Variants in ZNF669 observed in about 807,000 individuals in gnomAD.
The protein encoded by ZNF669 is zinc finger protein 669.
In ZNF669, 7 loss-of-function variants were observed where a neutral mutation model predicts 11.4. The ratio of observed to expected loss-of-function variants is 0.62; its 90% CI spans 0.35 to 1.16. The LOEUF (loss-of-function observed/expected upper bound fraction) is 1.16, where lower values mean the gene tolerates loss of function less well. Ranked by LOEUF, ZNF669 falls within the 50% of genes most tolerant of loss-of-function variation. The probability of loss-of-function intolerance (pLI) is 0.02; values close to 1 mark genes in which losing one functional copy is unlikely to be tolerated. For missense variants in ZNF669, 492 were observed against 463.6 expected (o/e 1.06, Z -0.56); for synonymous variants, 153 against 155.8 (o/e 0.98, Z 0.13).
At position 247,100,184 on chromosome 1, in the gene ZNF669, C is replaced by T. The variant is rs910261694; in HGVS notation, c.*190G>A. 1.4e-5 allele frequency: 7 copies of T among 504,720 alleles called. No individual in the cohort carries two copies. Among genetic ancestry groups the T allele is most frequent in the African/African-American group, 9.6e-5 (5 of 51,884 alleles). The allele number at this position is 504,720 out of a possible 1,614,324, so 31.3% of individuals were successfully genotyped here. ...TATTTTTAGTAGAGACGGGGTTTCA[C>T]CGTGTTGGCCAGGATGGTCTCGATC... is the stretch of plus-strand genomic sequence containing the variant. On this transcript the variant is annotated 3_prime_UTR_variant, in exon 4 of 4. Transcript: ENST00000448299.
At chr1:247,103,995 C>G (rs757491952) in intron 1 of ZNF669, 1 of 1,602,828 alleles carries the variant, frequency 6.2e-7, no homozygotes, top group South Asian at 1.1e-5. Flanking sequence ...AAGTGGCGCC[C>G]GCAGGTACAG....
intron 1 of ZNF669, chr1:247,103,806 C>T (rs1168265485): frequency 1.6e-6 from 2 of 1,232,290 alleles, no homozygotes; most frequent in South Asian, 1.6e-5. Flanking sequence ...AACAAAGCCT[C>T]GGCTTAATTT....
chr1:247,102,199 G>T, intron 1 of ZNF669, 86 bp from the exon 2 acceptor site: 2 of 1,458,362 alleles, frequency 1.4e-6, no homozygotes, highest in Middle Eastern at 1.8e-4. Context: ...CTGTTTACAT[G>T]ATTTGATAAT....
At position 247,102,133 on chromosome 1, in the gene ZNF669, T is replaced by G; in HGVS notation, c.4-20A>C. On this transcript the variant is annotated intron_variant, in intron 1 of 3. Coordinates refer to ENST00000448299, the MANE Select transcript of ZNF669 (RefSeq NM_001142572.2). ...CGAGTCCTAGAACATTCCACACATG[T>G]GGATAGAAGGATGGGTGAGACTGAC... is the stretch of plus-strand genomic sequence containing the variant. 1.3e-6 allele frequency: 2 copies of G among 1,567,696 alleles called. No individual in the cohort carries two copies. Among genetic ancestry groups the G allele is most frequent in the Non-Finnish European group, 1.7e-6 (2 of 1,158,462 alleles).
Position 247,101,280 on chromosome 1 carries a change from ATCT to A in ZNF669, c.228_230del (p.Glu76del), listed in dbSNP as rs1671719267. The A allele has an allele frequency of 6.2e-7, 1 of 1,606,456 alleles. No homozygotes were observed. Among genetic ancestry groups the A allele is most frequent in the African/African-American group, 1.3e-5 (1 of 74,848 alleles). On this transcript the variant is annotated inframe_deletion, in exon 4 of 4. Coordinates refer to ENST00000448299, the MANE Select transcript of ZNF669 (RefSeq NM_001142572.2). ...GGCTGACAACTTCTCCATACTGACC[ATCT>A]TCTTTACTTTCACACAGTCTCTGTA...
chr1:247,101,930 A>C, intron 2 of ZNF669, 57 bp downstream of exon 2: 1 of 1,611,452 alleles, frequency 6.2e-7, no homozygotes, highest in Admixed American at 1.7e-5. Flanking sequence ...AATCATAAAT[A>C]GCACTGATGA....
Position 247,101,692 on chromosome 1 carries a change from C to CT in ZNF669, c.191+38dup, listed in dbSNP as rs566939910. ...TTAAGTTCATGACATGCTAAGATTC[C>CT]TTCAGAGGACTTTATTTCCTCTGCT... On this transcript the variant is annotated intron_variant, in intron 3 of 3. Coordinates refer to ENST00000448299, the MANE Select transcript of ZNF669 (RefSeq NM_001142572.2). The CT allele has an allele frequency of 5.6e-5, 87 of 1,560,754 alleles. No homozygotes were observed. In the East Asian group the frequency reaches 1.8e-3, roughly 33 times the overall value.
Position 247,100,516 on chromosome 1 carries a change from T to C in ZNF669, c.995A>G (p.Tyr332Cys), listed in dbSNP as rs144776174. 12 of 1,614,106 alleles carry C rather than the reference T, an allele frequency of 7.4e-6. No individual in the cohort carries two copies. Among genetic ancestry groups the C allele is most frequent in the African/African-American group, 6.7e-5 (5 of 74,932 alleles). ...HERIHTGEKP[Y>C]ECKKCGKAYT... ...GGCTTTACCGCATTTCTTACATTCA[T>C]AGGGTTTTTCTCCAGTATGAATTCT... is the stretch of plus-strand genomic sequence containing the variant. Residue 332 changes from tyrosine (Y) to cysteine (C), a missense_variant, in exon 4 of 4, where the codon TAT becomes TGT. Transcript: ENST00000448299.
At chr1:247,103,360 GC>G (rs1476677781) in intron 1 of ZNF669, among the ~76,000 whole-genome samples, 1 of 152,080 alleles carries the variant, frequency 6.6e-6, no homozygotes, top group East Asian at 1.9e-4. Context: ...TTGGCCGAGC[GC>G]GGTGGCTCAC....
Position 247,100,088 on chromosome 1 carries a change from C to T in ZNF669, c.*286G>A. The stretch of plus-strand genomic sequence containing the variant: ...CAAGTTCCGCCTCCCGGGTTCATGC[C>T]ATTCTCCTGCCTCAGCCTCCCGAGT... On this transcript the variant is annotated 3_prime_UTR_variant, in exon 4 of 4. Coordinates refer to ENST00000448299, the MANE Select transcript of ZNF669 (RefSeq NM_001142572.2). 3.4e-6 allele frequency: 1 copy of T among 289,970 alleles called. No homozygotes were observed. The highest frequency in any genetic ancestry group is 6.6e-5 in the South Asian group (1 of 15,060). 18.0% of individuals were successfully genotyped at this position (289,970 alleles called of 1,614,324 possible).
At chr1:247,103,356 G>T (rs1385057690) in intron 1 of ZNF669, among the ~76,000 whole-genome samples, 2 of 152,084 alleles carry the variant, frequency 1.3e-5, no homozygotes, top group African/African-American at 2.4e-5. Context: ...TATTTTGGCC[G>T]AGCGCGGTGG....
At position 247,104,249 on chromosome 1, in the gene ZNF669, C is replaced by T. The variant is rs745431025; in HGVS notation, c.-50G>A. 63 of 1,489,726 alleles carry T rather than the reference C, an allele frequency of 4.2e-5. No individual in the cohort carries two copies. The South Asian group carries it at 7.8e-4, about 19-fold the overall frequency. 92.3% of individuals were successfully genotyped at this position (1,489,726 alleles called of 1,614,324 possible). A position where few individuals can be genotyped will look rare whatever the true frequency, so the allele number is the denominator to read the frequency against. ...CGTCAGCTAGGGATGTCCCAATACT[C>T]GCAGGTCACAGGGTGGCAGAGGCTG... On this transcript the variant is annotated 5_prime_UTR_variant, in exon 1 of 4. Transcript: ENST00000448299.
Position 247,100,439 on chromosome 1 carries a change from C to A in ZNF669, c.1072G>T (p.Ala358Ser), listed in dbSNP as rs774924561. The change falls in exon 4 of 4, where the codon GCT becomes TCT. Residue 358 changes from alanine to serine, a missense_variant. Physicochemically the swap from Ala to Ser is moderately conservative, Grantham distance 99 (BLOSUM62 1). Transcript: ENST00000448299. ...TTATAGGCTGAGTCACTACACCCAG[C>A]CTCTATATCATGACTTCTTTCATGG... ...TRHERSHDIE[A>S]GCSDSAYNPS... 51 of 1,614,194 alleles carry A rather than the reference C, an allele frequency of 3.2e-5. No homozygotes were observed. Among genetic ancestry groups the A allele is most frequent in the Non-Finnish European group, 4.2e-5 (50 of 1,180,036 alleles).
At chr1:247,102,732 T>C (rs944322913) in intron 1 of ZNF669, among the ~76,000 whole-genome samples, 61 of 152,366 alleles carry the variant, frequency 4.0e-4, no homozygotes, top group South Asian at 1.2e-3. Flanking sequence ...CAATATTTTA[T>C]ATGTGCTGTC....
intron 1 of ZNF669, among the ~76,000 whole-genome samples, chr1:247,102,357 G>A (rs1315633897): frequency 1.3e-5 from 2 of 152,166 alleles, no homozygotes; most frequent in African/African-American, 4.8e-5. Context: ...GAGAATCCAG[G>A]GAGTAAGATG....
At chr1:247,103,150 G>A (rs573262363) in intron 1 of ZNF669, among the ~76,000 whole-genome samples, 31 of 152,312 alleles carry the variant, frequency 2.0e-4, no homozygotes, top group African/African-American at 7.5e-4. Context: ...TATTAGCAGA[G>A]AGATGAGCAA....
intron 3 of ZNF669, 26 bp downstream of exon 3, chr1:247,101,705 T>C: frequency 6.3e-7 from 1 of 1,595,796 alleles, no homozygotes; most frequent in Non-Finnish European, 8.6e-7. Context: ...CAGAGGACTT[T>C]ATTTCCTCTG....
At position 247,100,421 on chromosome 1, in the gene ZNF669, C is replaced by A. The variant is rs1240671368; in HGVS notation, c.1090G>T (p.Ala364Ser). 31 of 1,613,740 alleles carry A rather than the reference C, an allele frequency of 1.9e-5. No homozygotes were observed. Among genetic ancestry groups the A allele is most frequent in the Non-Finnish European group, 2.5e-5 (30 of 1,179,876 alleles). ...CCTCCCAAAGTGCTGGGATTATAGG[C>A]TGAGTCACTACACCCAGCCTCTATA... ...HDIEAGCSDS[A>S]YNPSTLGGQG... is the part of the protein sequence containing the mutation. Residue 364 changes from alanine to serine, a missense_variant, in exon 4 of 4, where the codon GCC becomes TCC. Ala to Ser is a moderately conservative substitution (Grantham distance 99). Coordinates refer to ENST00000448299, the MANE Select transcript of ZNF669 (RefSeq NM_001142572.2).
In ZNF669 at chr1:247,101,972, T is replaced by G; in HGVS notation, c.130+15A>C. 6.2e-7 allele frequency: 1 copy of G among 1,614,078 alleles called. No individual in the cohort carries two copies. The highest frequency in any genetic ancestry group is 8.5e-7 in the Non-Finnish European group (1 of 1,179,962). On this transcript the variant is annotated intron_variant, in intron 2 of 3. Transcript: ENST00000448299. ...AAGACTTCTGTAATTAACTGAAATG[T>G]GTTGTCATTCTTACCTACAGAAGCC...
Sources: gnomAD v4.1 joint callset for allele counts (sites outside exome capture counted in the v4.1 genomes callset) on GRCh38, gnomAD v4.1.1 for gene constraint, MANE v1.5 for transcripts, NCBI Gene and HGNC (gene_info 2026-07-23, HGNC 2026-07-21) for gene names.